DPYD: variants seen among roughly 807,000 people sequenced by gnomAD.
DPYD encodes the protein dihydropyrimidine dehydrogenase.
In DPYD, 109 loss-of-function variants were observed where a neutral mutation model predicts 116.2. The ratio of observed to expected loss-of-function variants is 0.94; its 90% CI spans 0.80 to 1.10. DPYD has a LOEUF of 1.10. Ranked by LOEUF, DPYD falls within the 50% of genes least tolerant of loss-of-function variation. The probability of loss-of-function intolerance (pLI) is 0.00; values close to 1 mark genes in which losing one functional copy is unlikely to be tolerated. For missense variants in DPYD, 1,302 were observed against 1,254.5 expected (o/e 1.04, Z -0.57); for synonymous variants, 440 against 432.0 (o/e 1.02, Z -0.23).
chr1:97,212,945 A>G (rs1237771170), intron 19 of DPYD, among the ~76,000 whole-genome samples: 1 of 152,166 alleles, frequency 6.6e-6, no homozygotes, highest in Non-Finnish European at 1.5e-5. Context: ...TAGACTGGGT[A>G]GCTTCAATAA....
intron 10 of DPYD, among the ~76,000 whole-genome samples, chr1:97,586,828 T>C (rs923581091): frequency 1.3e-5 from 2 of 151,818 alleles, no homozygotes; most frequent in Admixed American, 1.3e-4. Flanking sequence ...ACCAATTGGC[T>C]GGGGATACAT....
At chr1:97,266,761 T>C (rs7556387) in intron 18 of DPYD, among the ~76,000 whole-genome samples, 104,217 of 151,788 alleles carry the variant, frequency 0.69, 36,135 homozygotes, top group Middle Eastern at 0.77. Context: ...TTCCTACCTA[T>C]GAGTGAGAAC....
At chr1:97,688,948 AC>A (rs1660873964) in intron 7 of DPYD, among the ~76,000 whole-genome samples, 1 of 151,968 alleles carries the variant, frequency 6.6e-6, no homozygotes, top group Non-Finnish European at 1.5e-5. Context: ...AATTTAACAC[AC>A]TTTTGATTAA....
At chr1:97,412,474 A>T (rs1674060508) in intron 14 of DPYD, among the ~76,000 whole-genome samples, 1 of 152,206 alleles carries the variant, frequency 6.6e-6, no homozygotes, top group Admixed American at 6.5e-5. Context: ...GGAGAAACGT[A>T]TCCTTTCAAA....
At position 97,480,417 on chromosome 1, in the gene DPYD, T is replaced by C. The variant is rs148343808; in HGVS notation, c.1741-30194A>G. On this transcript the variant is annotated intron_variant, in intron 13 of 22. Coordinates refer to ENST00000370192, the MANE Select transcript of DPYD (RefSeq NM_000110.4). ...CACTCATAACAAATCAGGTAAAATA[T>C]AGAAAAAACTAATGATAGTTATGTA... Among the ~76,000 whole-genome samples, 1,087 of 152,176 alleles carry C rather than the reference T, an allele frequency of 7.1e-3. 13 individuals are homozygous for C. The highest frequency in any genetic ancestry group is 9.7e-3 in the Non-Finnish European group (657 of 68,000).
intron 3 of DPYD, among the ~76,000 whole-genome samples, chr1:97,780,764 T>C (rs1303919174): frequency 6.6e-6 from 1 of 152,200 alleles, no homozygotes; most frequent in Admixed American, 6.5e-5. Context: ...AGAATTACTA[T>C]AAACTGTATT....
intron 22 of DPYD, among the ~76,000 whole-genome samples, chr1:97,081,007 C>T (rs376801482): frequency 5.9e-4 from 89 of 151,644 alleles, no homozygotes; most frequent in African/African-American, 1.9e-3. Context: ...ATTTGAAAGA[C>T]GACATGAAAG....
chr1:97,768,287 A>T (rs1040050706), intron 3 of DPYD, among the ~76,000 whole-genome samples: 3 of 152,190 alleles, frequency 2.0e-5, no homozygotes, highest in Non-Finnish European at 4.4e-5. Flanking sequence ...AAACAAAAAA[A>T]TTAAAAAATT....
At chr1:97,184,480 T>G (rs1195177603) in intron 20 of DPYD, among the ~76,000 whole-genome samples, 1 of 152,072 alleles carries the variant, frequency 6.6e-6, no homozygotes, top group Non-Finnish European at 1.5e-5. Context: ...GAGATGGTAT[T>G]TTAGTGTGCT....
chr1:97,676,600 A>G (rs1432030033), intron 8 of DPYD, among the ~76,000 whole-genome samples: 1 of 152,192 alleles, frequency 6.6e-6, no homozygotes, highest in Admixed American at 6.5e-5. Flanking sequence ...CCTCCTACAA[A>G]ATCAGTGAGA....
chr1:97,879,690 G>A (rs1395875570), intron 2 of DPYD, among the ~76,000 whole-genome samples: 3 of 151,860 alleles, frequency 2.0e-5, no homozygotes, highest in Non-Finnish European at 4.4e-5. Context: ...AATAATTTCA[G>A]AACTGCCATT....
intron 2 of DPYD, among the ~76,000 whole-genome samples, chr1:97,852,907 T>C (rs181000238): frequency 1.3e-5 from 2 of 152,318 alleles, no homozygotes; most frequent in East Asian, 3.9e-4. Flanking sequence ...TATTCAGATG[T>C]ATTTCCCTCA....
At chr1:97,597,817 A>C (rs974351998) in intron 8 of DPYD, among the ~76,000 whole-genome samples, 1 of 152,064 alleles carries the variant, frequency 6.6e-6, no homozygotes, top group Non-Finnish European at 1.5e-5. Context: ...CCAATTCCCT[A>C]AAATAAGTCA....
At position 97,516,066 on chromosome 1, in the gene DPYD, G is replaced by A. The variant is rs903797846; in HGVS notation, c.1525-125C>T. The stretch of plus-strand genomic sequence containing the variant: ...TAGATTACAACAGTCTGTTTACAAT[G>A]AAAAAAACTGGCAAAAAGTCAGTGA... On this transcript the variant is annotated intron_variant, in intron 12 of 22. Coordinates refer to ENST00000370192, the MANE Select transcript of DPYD (RefSeq NM_000110.4). 3 of 1,009,612 alleles carry A rather than the reference G, an allele frequency of 3.0e-6. No homozygotes were observed. The African/African-American group carries it at 4.9e-5, about 17-fold the overall frequency. The allele number at this position is 1,009,612 out of a possible 1,614,324, so 62.5% of individuals were successfully genotyped here.
intron 20 of DPYD, among the ~76,000 whole-genome samples, chr1:97,188,249 T>C (rs1330086737): frequency 6.6e-6 from 1 of 152,164 alleles, no homozygotes; most frequent in East Asian, 1.9e-4. Context: ...ATTATGTTCA[T>C]TTATTAATAT....
rs181450850 is a variant in DPYD at position 97,081,287 on chromosome 1, T to C, written c.2907+1043A>G. On this transcript the variant is annotated intron_variant, in intron 22 of 22. Transcript: ENST00000370192. ...TTTATTATGAATTTAGAACATTCCA[T>C]TGATCATTTCTTAAAAAGATCTTTT... Among the ~76,000 whole-genome samples the C allele has an allele frequency of 2.2e-4, 33 of 152,232 alleles. 1 individual carries two copies. The East Asian group carries it at 4.6e-3, about 21-fold the overall frequency.
chr1:97,081,626 A>G (rs2101555467), intron 22 of DPYD, among the ~76,000 whole-genome samples: 1 of 152,212 alleles, frequency 6.6e-6, no homozygotes, highest in Non-Finnish European at 1.5e-5. Context: ...CCAAAGAGAA[A>G]TTCACAGAAT....
chr1:97,157,630 C>T (rs944661185), intron 20 of DPYD, among the ~76,000 whole-genome samples: 2 of 151,858 alleles, frequency 1.3e-5, no homozygotes, highest in African/African-American at 2.4e-5. Context: ...AGAACATATG[C>T]GACAGAAAAA....
chr1:97,149,519 C>G (rs1402516628), intron 20 of DPYD, among the ~76,000 whole-genome samples: 1 of 152,192 alleles, frequency 6.6e-6, no homozygotes, highest in Non-Finnish European at 1.5e-5. Context: ...TCCCAAAGTG[C>G]TAGGATTACA....
Sources: gnomAD v4.1 joint callset for allele counts (sites outside exome capture counted in the v4.1 genomes callset) on GRCh38, gnomAD v4.1.1 for gene constraint, MANE v1.5 for transcripts, NCBI Gene and HGNC (gene_info 2026-07-23, HGNC 2026-07-21) for gene names.